PLCL1: variants seen among roughly 807,000 people sequenced by gnomAD.
The protein encoded by PLCL1 is inactive phospholipase C-like protein 1.
PLCL1 carries 41 observed loss-of-function variants against 84.4 expected under a neutral mutation model. The ratio of observed to expected loss-of-function variants is 0.49; its 90% CI spans 0.38 to 0.63. The LOEUF (loss-of-function observed/expected upper bound fraction) is 0.63. PLCL1 is among the 30% of genes least tolerant of loss of function. The pLI is 0.00. For synonymous variants in PLCL1, 490 were observed against 488.3 expected, an observed-to-expected ratio of 1.00 and a Z score of -0.05; for missense variants, 1,206 against 1,367.8, an observed-to-expected ratio of 0.88 and a Z score of 1.87.
intron 1 of PLCL1, among the ~76,000 whole-genome samples, chr2:197,907,448 G>A (rs1688408265): frequency 6.6e-6 from 1 of 152,070 alleles, no homozygotes; most frequent in Non-Finnish European, 1.5e-5. Flanking sequence ...ATATTGGCCA[G>A]GCTGGTCTTG....
intron 5 of PLCL1, among the ~76,000 whole-genome samples, chr2:198,105,620 G>A (rs1264100579): frequency 6.6e-6 from 1 of 151,452 alleles, no homozygotes; most frequent in Non-Finnish European, 1.5e-5. Context: ...GTGTGTGTGT[G>A]TGTGTGTGTG....
At chr2:197,856,764 T>C (rs747822113) in intron 1 of PLCL1, among the ~76,000 whole-genome samples, 2 of 152,196 alleles carry the variant, frequency 1.3e-5, no homozygotes, top group African/African-American at 2.4e-5. Flanking sequence ...GACCAATGTA[T>C]AGGTAAAGAT....
chr2:197,884,791 C>G (rs565026394), intron 1 of PLCL1, among the ~76,000 whole-genome samples: 1 of 152,286 alleles, frequency 6.6e-6, no homozygotes, highest in South Asian at 2.1e-4. Flanking sequence ...CATCTCTTAT[C>G]TGGATTCTTT....
At chr2:198,132,964 C>T (rs1694157496) in intron 5 of PLCL1, among the ~76,000 whole-genome samples, 1 of 151,264 alleles carries the variant, frequency 6.6e-6, no homozygotes, top group African/African-American at 2.4e-5. Flanking sequence ...GGTTTTAGGT[C>T]TAACGTTTAA....
At chr2:197,969,139 A>T (rs910257254) in intron 1 of PLCL1, among the ~76,000 whole-genome samples, 8 of 152,234 alleles carry the variant, frequency 5.3e-5, no homozygotes, top group Admixed American at 5.2e-4. Context: ...CTGAAGTGGA[A>T]GAGTTTCATC....
chr2:198,009,728 A>G (rs1345236704), intron 1 of PLCL1, among the ~76,000 whole-genome samples: 1 of 151,976 alleles, frequency 6.6e-6, no homozygotes, highest in African/African-American at 2.4e-5. Context: ...TGTCATTGGA[A>G]TTTTTATAGA....
chr2:198,009,136 A>T (rs1559072517), intron 1 of PLCL1, among the ~76,000 whole-genome samples: 1 of 151,948 alleles, frequency 6.6e-6, no homozygotes, highest in Admixed American at 6.6e-5. Flanking sequence ...CCCATTTTAT[A>T]GGTTGCAATT....
At chr2:197,836,446 CAAAAAA>C (rs35510400) in intron 1 of PLCL1, among the ~76,000 whole-genome samples, 19 of 34,540 alleles carry the variant, frequency 5.5e-4, no homozygotes, top group African/African-American at 1.9e-3. Context: ...GACTCCGTCT[CAAAAAA>C]AAAAAAAAAA....
intron 1 of PLCL1, among the ~76,000 whole-genome samples, chr2:197,921,572 A>G (rs1281678181): frequency 6.6e-6 from 1 of 152,206 alleles, no homozygotes; most frequent in Admixed American, 6.5e-5. Flanking sequence ...TAAATAAATA[A>G]GCATTTCTTT....
At chr2:198,100,501 G>A (rs965141402) in intron 3 of PLCL1, among the ~76,000 whole-genome samples, 8 of 152,070 alleles carry the variant, frequency 5.3e-5, no homozygotes, top group Non-Finnish European at 1.2e-4. Flanking sequence ...ATGTGTGGGA[G>A]GAGGAACAAG....
chr2:198,096,146 AC>A (rs1693187046), intron 3 of PLCL1, among the ~76,000 whole-genome samples: 1 of 152,166 alleles, frequency 6.6e-6, no homozygotes, highest in Non-Finnish European at 1.5e-5. Context: ...GGAATGGGCA[AC>A]CCTGATGGGA....
chr2:197,930,666 CT>C (rs1364616035), intron 1 of PLCL1, among the ~76,000 whole-genome samples: 1 of 152,066 alleles, frequency 6.6e-6, no homozygotes, highest in Non-Finnish European at 1.5e-5. Flanking sequence ...GTCAGGCCTT[CT>C]GAGCTGCAAC....
chr2:197,810,324 TA>T, intron 1 of PLCL1: 1 of 1,204,844 alleles, frequency 8.3e-7, no homozygotes, highest in Non-Finnish European at 1.1e-6. Context: ...AAACTTCAGG[TA>T]AAGAGCTTTG....
At chr2:197,846,408 G>A (rs939717626) in intron 1 of PLCL1, among the ~76,000 whole-genome samples, 13 of 152,088 alleles carry the variant, frequency 8.5e-5, no homozygotes, top group African/African-American at 3.1e-4. Context: ...GAATGTTAAT[G>A]GTAGTACGAG....
chr2:198,056,916 G>A (rs1692084783), intron 1 of PLCL1, among the ~76,000 whole-genome samples: 1 of 152,108 alleles, frequency 6.6e-6, no homozygotes, highest in South Asian at 2.1e-4. Flanking sequence ...TTCAATCAAC[G>A]CTATCCACAA....
intron 1 of PLCL1, among the ~76,000 whole-genome samples, chr2:197,921,371 CTATT>C (rs913490178): frequency 6.6e-6 from 1 of 152,072 alleles, no homozygotes; most frequent in Admixed American, 6.6e-5. Flanking sequence ...AGAGGCACCT[CTATT>C]AATTAATAGG....
intron 1 of PLCL1, among the ~76,000 whole-genome samples, chr2:198,039,743 T>G (rs544639521): frequency 1.7e-4 from 26 of 152,176 alleles, no homozygotes; most frequent in Non-Finnish European, 3.8e-4. Flanking sequence ...CATTTAAGTG[T>G]GCAAACACAT....
At chr2:197,891,958 A>G (rs1274797603) in intron 1 of PLCL1, among the ~76,000 whole-genome samples, 3 of 152,184 alleles carry the variant, frequency 2.0e-5, no homozygotes, top group African/African-American at 7.2e-5. Context: ...GTTTTTGATT[A>G]AATGAGAATT....
Position 198,072,242 on chromosome 2 carries a change from A to T in PLCL1, c.241-11516A>T, listed in dbSNP as rs1692480954. ...AATCTTAATTACTGATTTGAATGGG[A>T]TTCCTCTCACCCCCATTCACCCCTG... On this transcript the variant is annotated intron_variant, in intron 1 of 5. Coordinates refer to ENST00000428675, the MANE Select transcript of PLCL1 (RefSeq NM_006226.4). Among the ~76,000 whole-genome samples, 2 of 151,614 alleles carry T rather than the reference A, an allele frequency of 1.3e-5. 1 individual carries two copies. Among genetic ancestry groups the T allele is most frequent in the Non-Finnish European group, 3.0e-5 (2 of 67,728 alleles).
Sources: allele counts gnomAD v4.1 joint callset (sites outside exome capture counted in the v4.1 genomes callset), GRCh38; gene constraint gnomAD v4.1.1; transcripts MANE v1.5; gene names NCBI Gene and HGNC (gene_info 2026-07-23, HGNC 2026-07-21).